The following CERS6 variants were observed in gnomAD, a reference collection of about 807,000 sequenced individuals.
CERS6 encodes ceramide synthase 6, also known as LAG1 homolog, ceramide synthase 6.
CERS6 carries 26 observed loss-of-function variants against 56.8 expected under a neutral mutation model. That is an observed-to-expected ratio of 0.46 (90% CI 0.34 to 0.63). The LOEUF is 0.63. Ranked by LOEUF, CERS6 falls within the 30% of genes least tolerant of loss-of-function variation. The pLI is 0.01. For missense variants in CERS6, 415 were observed against 467.5 expected, an observed-to-expected ratio of 0.89 and a Z score of 1.04; for synonymous variants, 164 against 173.3, an observed-to-expected ratio of 0.95 and a Z score of 0.42.
At chr2:168,551,616 A>G (rs967171778) in intron 2 of CERS6, among the ~76,000 whole-genome samples, 1 of 152,216 alleles carries the variant, frequency 6.6e-6, no homozygotes, top group African/African-American at 2.4e-5. Flanking sequence ...AATCATGTAA[A>G]TCATTCAGTA....
At chr2:168,476,069 A>G (rs1694063433) in intron 1 of CERS6, among the ~76,000 whole-genome samples, 1 of 152,202 alleles carries the variant, frequency 6.6e-6, no homozygotes, top group Non-Finnish European at 1.5e-5. Flanking sequence ...AAACTTGTGT[A>G]TTATTACTAT....
intron 4 of CERS6, among the ~76,000 whole-genome samples, chr2:168,638,339 C>G (rs1684909940): frequency 6.6e-6 from 1 of 151,866 alleles, no homozygotes; most frequent in Non-Finnish European, 1.5e-5. Context: ...CATCTATATA[C>G]TATTCACATT....
intron 1 of CERS6, among the ~76,000 whole-genome samples, chr2:168,515,097 T>C (rs1384689666): frequency 6.6e-6 from 1 of 152,230 alleles, no homozygotes; most frequent in Non-Finnish European, 1.5e-5. Flanking sequence ...AATGAGATTT[T>C]AGTATTTTAG....
chr2:168,597,104 A>G (rs1683819524), intron 3 of CERS6, among the ~76,000 whole-genome samples: 1 of 152,144 alleles, frequency 6.6e-6, no homozygotes, highest in African/African-American at 2.4e-5. Context: ...TTGTCGTGTC[A>G]GGCCCCTATT....
At chr2:168,540,391 G>A (rs1184862697) in intron 1 of CERS6, among the ~76,000 whole-genome samples, 1 of 152,204 alleles carries the variant, frequency 6.6e-6, no homozygotes, top group East Asian at 1.9e-4. Flanking sequence ...CAAAGAAGAA[G>A]CAGGCACCTT....
rs558867275 is a variant in CERS6, at chr2:168,742,029, A to G, written c.846-23563A>G. On this transcript the variant is annotated intron_variant, in intron 8 of 9. Coordinates refer to ENST00000305747, the MANE Select transcript of CERS6 (RefSeq NM_203463.3). ...AAAAGATTTGAGCTTTGACGTGACT[A>G]TTGTTTGTCTTACTCTGCAGAGAGA... 2.6e-5 allele frequency among the ~76,000 whole-genome samples: 4 copies of G among 152,338 alleles called. No individual in the cohort carries two copies. In the South Asian group the frequency reaches 6.2e-4, roughly 24 times the overall value.
At chr2:168,494,607 C>T (rs972108386) in intron 1 of CERS6, among the ~76,000 whole-genome samples, 2 of 152,106 alleles carry the variant, frequency 1.3e-5, no homozygotes, top group Non-Finnish European at 2.9e-5. Flanking sequence ...CCTGCTGGCC[C>T]CCTATCGACT....
chr2:168,608,993 A>G (rs1901834), intron 3 of CERS6, among the ~76,000 whole-genome samples: 118,084 of 152,174 alleles, frequency 0.78, 49,860 homozygotes, highest in Non-Finnish European at 0.93. Flanking sequence ...CTCTTTAGAT[A>G]GTTTGAATAT....
chr2:168,660,731 C>T (rs1347372108), intron 4 of CERS6, among the ~76,000 whole-genome samples: 1 of 151,974 alleles, frequency 6.6e-6, no homozygotes, highest in African/African-American at 2.4e-5. Flanking sequence ...TTTGCTATCG[C>T]ATAGTCTTTT....
At chr2:168,670,887 G>A (rs1405189529) in intron 4 of CERS6, among the ~76,000 whole-genome samples, 3 of 145,204 alleles carry the variant, frequency 2.1e-5, no homozygotes, top group African/African-American at 5.0e-5. Context: ...ATGATTTTCT[G>A]TCTGTTTGGT....
At chr2:168,688,816 A>G (rs1686423148) in intron 4 of CERS6, among the ~76,000 whole-genome samples, 1 of 152,156 alleles carries the variant, frequency 6.6e-6, no homozygotes, top group African/African-American at 2.4e-5. Flanking sequence ...AAAAAGAGGC[A>G]GACACTTACA....
Position 168,677,230 on chromosome 2 carries a change from TC to T in CERS6, c.466-13803del, listed in dbSNP as rs1487891576. The stretch of plus-strand genomic sequence containing the variant: ...TTCCTCTCCCTGTGCCCATATGTTC[TC>T]ATTGTTCAACTCCCACTTATGAGTG... On this transcript the variant is annotated intron_variant, in intron 4 of 9. Coordinates refer to ENST00000305747, the MANE Select transcript of CERS6 (RefSeq NM_203463.3). Among the ~76,000 whole-genome samples the T allele has an allele frequency of 4.6e-5, 7 of 152,122 alleles. No homozygotes were observed. The South Asian group carries it at 1.3e-3, about 27-fold the overall frequency.
At chr2:168,698,236 G>A (rs1686710376) in intron 6 of CERS6, among the ~76,000 whole-genome samples, 5 of 124,970 alleles carry the variant, frequency 4.0e-5, no homozygotes, top group African/African-American at 1.1e-4. Context: ...TGTCTCACAG[G>A]AAAAAAAAAA....
chr2:168,493,972 A>G (rs1393166810), intron 1 of CERS6, among the ~76,000 whole-genome samples: 3 of 152,064 alleles, frequency 2.0e-5, no homozygotes, highest in Admixed American at 1.3e-4. Context: ...CAGACTAAGG[A>G]TGAATTCTGC....
chr2:168,547,468 A>T, intron 1 of CERS6, 128 bp from the exon 2 acceptor site: 1 of 593,786 alleles, frequency 1.7e-6, no homozygotes, highest in Non-Finnish European at 3.0e-6. Flanking sequence ...GAGTGTTGAC[A>T]ATGTACACCC....
At chr2:168,468,016 T>A (rs1693912742) in intron 1 of CERS6, among the ~76,000 whole-genome samples, 1 of 152,186 alleles carries the variant, frequency 6.6e-6, no homozygotes. Context: ...AACCCCAATC[T>A]TTTCAGCATT....
chr2:168,584,103 A>G (rs1683484492), intron 3 of CERS6, among the ~76,000 whole-genome samples: 1 of 152,218 alleles, frequency 6.6e-6, no homozygotes, highest in Admixed American at 6.5e-5. Context: ...TCTGTGTGTG[A>G]CTGGCCCTAA....
chr2:168,612,476 G>C (rs1421489224), intron 3 of CERS6, among the ~76,000 whole-genome samples: 1 of 152,220 alleles, frequency 6.6e-6, no homozygotes, highest in Non-Finnish European at 1.5e-5. Context: ...AGAAAACTCA[G>C]GGTTAAGGCT....
chr2:168,598,656 C>T (rs1683860741), intron 3 of CERS6, among the ~76,000 whole-genome samples: 1 of 152,080 alleles, frequency 6.6e-6, no homozygotes, highest in African/African-American at 2.4e-5. Flanking sequence ...TCCCAATTCC[C>T]CAACCAGTAC....
Sources: allele counts gnomAD v4.1 joint callset (sites outside exome capture counted in the v4.1 genomes callset), GRCh38; gene constraint gnomAD v4.1.1; transcripts MANE v1.5; gene names NCBI Gene and HGNC (gene_info 2026-07-23, HGNC 2026-07-21).